The following TLL2 variants were observed in gnomAD, a reference collection of about 807,000 sequenced individuals.
TLL2 encodes the protein tolloid-like protein 2.
A neutral mutation model predicts 123.0 loss-of-function variants in TLL2; 106 were observed. The observed-to-expected ratio is 0.86, with a 90% confidence interval of 0.74 to 1.01. The LOEUF (loss-of-function observed/expected upper bound fraction) is 1.01. Ranked by LOEUF, TLL2 falls within the 50% of genes least tolerant of loss-of-function variation. The pLI is 0.00. For missense variants in TLL2, 1,332 were observed against 1,336.7 expected, an observed-to-expected ratio of 1.00 and a Z score of 0.06; for synonymous variants, 494 against 516.8, an observed-to-expected ratio of 0.96 and a Z score of 0.60.
chr10:96,447,981 C>T (rs1334999986), intron 2 of TLL2, among the ~76,000 whole-genome samples: 1 of 152,172 alleles, frequency 6.6e-6, no homozygotes, highest in African/African-American at 2.4e-5. Context: ...CACATGGCAC[C>T]ACGAACCCAA....
At chr10:96,469,135 G>A (rs1847155351) in intron 2 of TLL2, among the ~76,000 whole-genome samples, 1 of 152,240 alleles carries the variant, frequency 6.6e-6, no homozygotes, top group South Asian at 2.1e-4. Flanking sequence ...TGCGGGCTGA[G>A]CCCAGCCCTG....
At chr10:96,511,337 T>A (rs1393398651) in intron 1 of TLL2, among the ~76,000 whole-genome samples, 1 of 152,220 alleles carries the variant, frequency 6.6e-6, no homozygotes, top group Non-Finnish European at 1.5e-5. Context: ...TCAGGCAATT[T>A]CCAAGAGGAT....
chr10:96,471,364 C>A (rs1347056153), intron 2 of TLL2, among the ~76,000 whole-genome samples: 1 of 152,126 alleles, frequency 6.6e-6, no homozygotes, highest in Non-Finnish European at 1.5e-5. Context: ...TGGTTGGAAT[C>A]CAAATCCAAG....
intron 1 of TLL2, among the ~76,000 whole-genome samples, chr10:96,487,476 G>A (rs1396956517): frequency 3.3e-5 from 5 of 152,102 alleles, no homozygotes; most frequent in Admixed American, 2.0e-4. Flanking sequence ...ACCAGACAGC[G>A]GGGGCTAAAT....
rs886874366 is a variant in TLL2 at position 96,364,850 on chromosome 10, G to A, written c.*3238C>T. ...AGAAACTTTAAAAACATCTGCTAAAGCCAAGGGAACATTTGTTCACAAATG... is the reference window on the plus strand; with the variant it reads ...AGAAACTTTAAAAACATCTGCTAAAACCAAGGGAACATTTGTTCACAAATG... On this transcript the variant is annotated 3_prime_UTR_variant, in exon 21 of 21. Transcript: ENST00000357947. 3.9e-5 allele frequency: 6 copies of A among 152,364 alleles called. No individual in the cohort carries two copies. The highest frequency in any genetic ancestry group is 7.2e-5 in the African/African-American group (3 of 41,448). 9.4% of individuals were successfully genotyped at this position (152,364 alleles called of 1,614,324 possible).
At chr10:96,497,665 AC>A (rs1847490578) in intron 1 of TLL2, among the ~76,000 whole-genome samples, 1 of 151,964 alleles carries the variant, frequency 6.6e-6, no homozygotes, top group Non-Finnish European at 1.5e-5. Flanking sequence ...CCTGCCCCTC[AC>A]CACAGGGATA....
intron 1 of TLL2, among the ~76,000 whole-genome samples, chr10:96,484,748 T>C (rs944792729): frequency 6.6e-6 from 1 of 152,118 alleles, no homozygotes; most frequent in African/African-American, 2.4e-5. Context: ...ACTCGACACA[T>C]AGATGCTTTC....
chr10:96,486,767 T>C (rs573798011), intron 1 of TLL2, among the ~76,000 whole-genome samples: 1 of 152,332 alleles, frequency 6.6e-6, no homozygotes, highest in East Asian at 1.9e-4. Context: ...ACACCACAGT[T>C]TGAAGGCGGA....
intron 3 of TLL2, 144 bp from the exon 4 acceptor site, chr10:96,433,106 C>A (rs1361044838): frequency 8.2e-6 from 9 of 1,094,964 alleles, no homozygotes. Flanking sequence ...GGTTTGGAAG[C>A]CCTGGGTGGC....
chr10:96,380,978 CAA>C (rs758416966), intron 16 of TLL2, among the ~76,000 whole-genome samples: 58 of 102,424 alleles, frequency 5.7e-4, no homozygotes, highest in Admixed American at 7.1e-4. Context: ...ACTCTGTCTC[CAA>C]AAAAAAAAAA....
intron 1 of TLL2, among the ~76,000 whole-genome samples, chr10:96,509,987 C>T (rs911553565): frequency 1.3e-5 from 2 of 152,154 alleles, no homozygotes; most frequent in African/African-American, 4.8e-5. Context: ...GTAAATAAAA[C>T]TGGCCTTTTG....
At chr10:96,504,303 G>A (rs116136535) in intron 1 of TLL2, among the ~76,000 whole-genome samples, 102 of 152,282 alleles carry the variant, frequency 6.7e-4, no homozygotes, top group African/African-American at 2.4e-3. Context: ...GAAGATTTAA[G>A]TTTTAGGTCA....
intron 13 of TLL2, among the ~76,000 whole-genome samples, chr10:96,391,837 TA>T (rs1411587228): frequency 2.0e-5 from 3 of 152,076 alleles, no homozygotes; most frequent in Non-Finnish European, 4.4e-5. Flanking sequence ...GTTTTAACCA[TA>T]AAAAAGTCAA....
chr10:96,449,191 G>A (rs1846929628), intron 2 of TLL2, among the ~76,000 whole-genome samples: 1 of 152,188 alleles, frequency 6.6e-6, no homozygotes, highest in South Asian at 2.1e-4. Flanking sequence ...GCTCCAAGAG[G>A]TGAAATGACT....
In TLL2 at chr10:96,386,942, C is replaced by G. The variant is rs1846240186; in HGVS notation, c.1852+11G>C. The G allele has an allele frequency of 6.2e-7, 1 of 1,613,900 alleles. No homozygotes were observed. Among genetic ancestry groups the G allele is most frequent in the Non-Finnish European group, 8.5e-7 (1 of 1,179,936 alleles). ...ACCCTCTCATTCTAGCTTGGCAGGTCCCACACCAACCTTCACACATCTTCT... is the reference window on the plus strand; with the variant it reads ...ACCCTCTCATTCTAGCTTGGCAGGTGCCACACCAACCTTCACACATCTTCT... On this transcript the variant is annotated intron_variant, in intron 14 of 20. Coordinates refer to ENST00000357947, the MANE Select transcript of TLL2 (RefSeq NM_012465.4).
chr10:96,453,266 C>T (rs1431199796), intron 2 of TLL2, among the ~76,000 whole-genome samples: 5 of 151,952 alleles, frequency 3.3e-5, no homozygotes. Context: ...GACCAACCTG[C>T]TCAACATGGC....
At chr10:96,442,338 G>A (rs1031287281) in intron 3 of TLL2, among the ~76,000 whole-genome samples, 3 of 152,126 alleles carry the variant, frequency 2.0e-5, no homozygotes, top group Admixed American at 6.5e-5. Flanking sequence ...TGGAAGGGGG[G>A]CAAGTTGTGA....
chr10:96,396,500 T>C lies in TLL2; in HGVS notation c.1385-480A>G, dbSNP rs773377297. 4.1e-4 allele frequency among the ~76,000 whole-genome samples: 62 copies of C among 151,860 alleles called. 1 individual carries two copies. The highest frequency in any genetic ancestry group is 6.8e-4 in the African/African-American group (28 of 41,286). On this transcript the variant is annotated intron_variant, in intron 11 of 20. Transcript: ENST00000357947. The stretch of plus-strand genomic sequence containing the variant: ...AGACAAAACTTTGGCCTCTCTAAAA[T>C]TGTAATAATTTAAGGCCGAAGGACC...
chr10:96,486,641 G>C (rs1847359392), intron 1 of TLL2, among the ~76,000 whole-genome samples: 1 of 152,232 alleles, frequency 6.6e-6, no homozygotes, highest in South Asian at 2.1e-4. Context: ...AGGGCCACGT[G>C]CCCAGCATCC....
Sources: gnomAD v4.1 joint callset for allele counts (sites outside exome capture counted in the v4.1 genomes callset) on GRCh38, gnomAD v4.1.1 for gene constraint, MANE v1.5 for transcripts, NCBI Gene and HGNC (gene_info 2026-07-23, HGNC 2026-07-21) for gene names.